The following FAM120C variants were observed in gnomAD, a reference collection of about 807,000 sequenced individuals.
FAM120C encodes constitutive coactivator of PPAR-gamma-like protein 2.
FAM120C carries 14 observed loss-of-function variants against 71.2 expected under a neutral mutation model. The ratio of observed to expected loss-of-function variants is 0.20; its 90% CI spans 0.13 to 0.31. The LOEUF is 0.31. FAM120C is among the 10% of genes least tolerant of loss of function. The pLI, the probability that FAM120C is intolerant of heterozygous loss-of-function variation, is 1.00. For synonymous variants in FAM120C, 354 were observed against 353.2 expected (o/e 1.00, Z -0.03); for missense variants, 500 against 879.0 (o/e 0.57, Z 5.45).
At chrX:54,110,545 T>A (rs2066931333) in intron 10 of FAM120C, among the ~76,000 whole-genome samples, 1 of 110,749 alleles carries the variant, frequency 9.0e-6, no homozygotes, top group Admixed American at 9.8e-5. Flanking sequence ...ATCTAGGTGG[T>A]GGTTATGAGT....
intron 1 of FAM120C, among the ~76,000 whole-genome samples, chrX:54,170,885 C>A (rs2067284305): frequency 8.9e-6 from 1 of 111,740 alleles, no homozygotes; most frequent in African/African-American, 3.3e-5. Flanking sequence ...CAAAGCAAAT[C>A]TTCACGACTG....
intron 10 of FAM120C, among the ~76,000 whole-genome samples, chrX:54,101,796 G>A (rs2066883492): frequency 9.0e-6 from 1 of 111,325 alleles, no homozygotes. Context: ...TATCGGAATG[G>A]CCTTCGCTGT....
chrX:54,163,525 G>A, intron 1 of FAM120C, among the ~76,000 whole-genome samples: 1 of 111,530 alleles, frequency 9.0e-6, no homozygotes, highest in Non-Finnish European at 1.9e-5. Context: ...TGGGGATGGG[G>A]AATAAGACTA....
At chrX:54,136,440 A>G (rs368789954) in intron 5 of FAM120C, 51 bp downstream of exon 5, 3 of 951,770 alleles carry the variant, frequency 3.2e-6, no homozygotes, top group East Asian at 6.1e-5. Flanking sequence ...TGAGGGACCA[A>G]CTCAGTTTCC....
intron 3 of FAM120C, 142 bp downstream of exon 3, chrX:54,157,547 C>T (rs991668866): frequency 1.7e-5 from 8 of 461,188 alleles, no homozygotes; most frequent in African/African-American, 1.2e-4. Context: ...GAGTCACCAC[C>T]GCACCTGGCC....
chrX:54,152,484 C>T (rs1208672448), intron 3 of FAM120C, among the ~76,000 whole-genome samples: 2 of 112,130 alleles, frequency 1.8e-5, no homozygotes, highest in Admixed American at 1.9e-4. Context: ...TCTTGAACTC[C>T]TGACCTCAAG....
At position 54,151,381 on chromosome X, in the gene FAM120C, G is replaced by A. The variant is rs781799222; in HGVS notation, c.1030-8C>T. 8.3e-6 allele frequency: 10 copies of A among 1,202,155 alleles called. No homozygotes were observed. The highest frequency in any genetic ancestry group is 1.1e-5 in the Non-Finnish European group (10 of 892,050). On this transcript the variant is annotated splice_region_variant and splice_polypyrimidine_tract_variant and intron_variant, in intron 3 of 15. Transcript: ENST00000375180. ...CAGCTGATGAGCTCGAACCTAGAAA[G>A]GCAAGATAAGCAAGGGACACTGACA...
intron 11 of FAM120C, 151 bp from the exon 12 acceptor site, chrX:54,088,115 T>C: frequency 2.1e-6 from 1 of 476,226 alleles, no homozygotes; most frequent in Admixed American, 4.0e-5. Context: ...CTTCTATCCA[T>C]GTCTTTCCCC....
chrX:54,159,701 TA>T, intron 1 of FAM120C, 85 bp from the exon 2 acceptor site: 1 of 1,023,609 alleles, frequency 9.8e-7, no homozygotes, highest in Non-Finnish European at 1.3e-6. Context: ...CTAAATTTTA[TA>T]GTTTGGTGAA....
At chrX:54,175,226 T>A (rs1557136501) in intron 1 of FAM120C, among the ~76,000 whole-genome samples, 1 of 112,187 alleles carries the variant, frequency 8.9e-6, no homozygotes, top group Non-Finnish European at 1.9e-5. Flanking sequence ...CACTGCTGTA[T>A]CCTCACAATC....
chrX:54,166,898 C>A, intron 1 of FAM120C, among the ~76,000 whole-genome samples: 1 of 110,221 alleles, frequency 9.1e-6, no homozygotes, highest in Non-Finnish European at 1.9e-5. Flanking sequence ...AATTTTTGTA[C>A]CATGAATTAT....
Position 54,073,034 on chromosome X carries a change from C to T in FAM120C, c.3290G>A (p.Ter1097=). The T allele has an allele frequency of 8.3e-7, 1 of 1,201,152 alleles. No individual in the cohort carries two copies. Among genetic ancestry groups the T allele is most frequent in the African/African-American group, 1.7e-5 (1 of 57,543 alleles). ...TTTGGTGAAGCCATCTTCAGCTTAT[C>T]AGTCCTCTTTCCGTTGTGCCACAGT... ...LETVAQRKED[*] is the part of the protein sequence containing the mutation. The change falls in exon 16 of 16, where the codon TGA becomes TAA. Residue 1097 remains the stop codon, a stop_retained_variant. Coordinates refer to ENST00000375180, the MANE Select transcript of FAM120C (RefSeq NM_017848.6).
chrX:54,126,461 T>C, intron 9 of FAM120C, among the ~76,000 whole-genome samples: 1 of 111,837 alleles, frequency 8.9e-6, no homozygotes, highest in Non-Finnish European at 1.9e-5. Context: ...TATACACAGG[T>C]TCTGCAGGGC....
intron 4 of FAM120C, among the ~76,000 whole-genome samples, chrX:54,143,953 A>C (rs1182989035): frequency 8.9e-6 from 1 of 111,858 alleles, no homozygotes; most frequent in Non-Finnish European, 1.9e-5. Context: ...CACATCAAAA[A>C]GCTTATCCAC....
intron 8 of FAM120C, 73 bp from the exon 9 acceptor site, chrX:54,132,936 CAAT>C (rs1386602705): frequency 1.2e-6 from 1 of 849,921 alleles, no homozygotes; most frequent in African/African-American, 2.0e-5. Context: ...TGAGAAGAGC[CAAT>C]AATAAACTGT....
At chrX:54,118,594 G>A (rs2066986175) in intron 9 of FAM120C, among the ~76,000 whole-genome samples, 1 of 107,943 alleles carries the variant, frequency 9.3e-6, no homozygotes, top group Non-Finnish European at 1.9e-5. Flanking sequence ...CAGCTTCTCT[G>A]CATCCTCTCC....
intron 8 of FAM120C, among the ~76,000 whole-genome samples, chrX:54,133,472 A>G (rs1260989470): frequency 2.7e-5 from 3 of 112,300 alleles, no homozygotes; most frequent in Non-Finnish European, 5.6e-5. Flanking sequence ...AGAAATAAGG[A>G]AAAGGGCATA....
chrX:54,129,404 CCCA>C (rs1372739573), intron 9 of FAM120C, among the ~76,000 whole-genome samples: 5 of 107,108 alleles, frequency 4.7e-5, no homozygotes, highest in Non-Finnish European at 9.7e-5. Context: ...AGAGGCCCTC[CCCA>C]CATCTCAGAT....
chrX:54,159,346 C>T (rs782768837), intron 2 of FAM120C, 24 bp downstream of exon 2: 1 of 1,209,925 alleles, frequency 8.3e-7, no homozygotes, highest in Non-Finnish European at 1.1e-6. Context: ...CCAATCACTG[C>T]AGTCTTTTCT....
Sources: allele counts gnomAD v4.1 joint callset (sites outside exome capture counted in the v4.1 genomes callset), GRCh38; gene constraint gnomAD v4.1.1; transcripts MANE v1.5; gene names NCBI Gene and HGNC (gene_info 2026-07-23, HGNC 2026-07-21).